Variants in CPNE4 observed in about 807,000 individuals in gnomAD.
The protein encoded by CPNE4 is copine 4.
A neutral mutation model predicts 67.9 loss-of-function variants in CPNE4; 25 were observed. The observed-to-expected ratio is 0.37, with a 90% confidence interval of 0.27 to 0.51. The LOEUF (loss-of-function observed/expected upper bound fraction) is 0.51, where lower values mean the gene tolerates loss of function less well. Among genes scored for constraint, CPNE4 ranks in the 20% least tolerant of loss-of-function variants. The pLI is 0.93. For synonymous variants in CPNE4, 242 were observed against 244.9 expected (o/e 0.99, Z 0.11); for missense variants, 464 against 690.8 (o/e 0.67, Z 3.68).
intron 1 of CPNE4, among the ~76,000 whole-genome samples, chr3:131,917,759 C>T (rs2070607933): frequency 6.6e-6 from 1 of 152,160 alleles, no homozygotes; most frequent in Non-Finnish European, 1.5e-5. Context: ...CAGAAGGGAA[C>T]ATTGGCTGAA....
chr3:131,977,401 G>C (rs1181348600), intron 1 of CPNE4, among the ~76,000 whole-genome samples: 1 of 152,058 alleles, frequency 6.6e-6, no homozygotes, highest in Non-Finnish European at 1.5e-5. Flanking sequence ...TCCTTTCAGG[G>C]TTGTGAAAAG....
intron 2 of CPNE4, among the ~76,000 whole-genome samples, chr3:131,857,513 G>A (rs76235765): frequency 0.076 from 11,598 of 151,926 alleles, 569 homozygotes; most frequent in East Asian, 0.16. Context: ...AAATTGATTA[G>A]CTTGACTTTG....
intron 2 of CPNE4, among the ~76,000 whole-genome samples, chr3:131,836,928 A>G (rs2085580000): frequency 6.6e-6 from 1 of 152,184 alleles, no homozygotes; most frequent in Non-Finnish European, 1.5e-5. Context: ...ACTTAAAAAT[A>G]CACTTCACCA....
intron 7 of CPNE4, among the ~76,000 whole-genome samples, chr3:131,643,036 G>A (rs1301564393): frequency 2.0e-5 from 3 of 152,138 alleles, no homozygotes; most frequent in Non-Finnish European, 4.4e-5. Flanking sequence ...ACAGGAAGAT[G>A]TGAGAAAGTT....
chr3:131,963,032 G>C (rs906777298), intron 1 of CPNE4, among the ~76,000 whole-genome samples: 1 of 152,084 alleles, frequency 6.6e-6, no homozygotes, highest in Non-Finnish European at 1.5e-5. Flanking sequence ...GGTGATATCC[G>C]CATTTCCAAC....
intron 2 of CPNE4, among the ~76,000 whole-genome samples, chr3:131,892,308 T>C (rs2107744038): frequency 6.6e-6 from 1 of 152,244 alleles, no homozygotes; most frequent in South Asian, 2.1e-4. Context: ...TACAGCTCGG[T>C]GCCACCTTGA....
chr3:131,918,329 G>A (rs1225060), intron 1 of CPNE4, among the ~76,000 whole-genome samples: 31,612 of 152,046 alleles, frequency 0.21, 3,892 homozygotes, highest in Non-Finnish European at 0.27. Flanking sequence ...GTGATATCAC[G>A]CTCATTTAGA....
chr3:132,030,786 A>G (rs1305522723), intron 1 of CPNE4, among the ~76,000 whole-genome samples: 1 of 152,238 alleles, frequency 6.6e-6, no homozygotes, highest in East Asian at 1.9e-4. Context: ...AGTTTCTAGT[A>G]CAGAAAAAGA....
intron 1 of CPNE4, among the ~76,000 whole-genome samples, chr3:131,978,139 AATAT>A (rs2072737385): frequency 1.2e-5 from 1 of 81,008 alleles, no homozygotes; most frequent in Non-Finnish European, 2.1e-5. Flanking sequence ...TATTTATATA[AATAT>A]ATATAAAATA....
intron 2 of CPNE4, among the ~76,000 whole-genome samples, chr3:131,896,249 A>AT (rs2088327781): frequency 6.6e-6 from 1 of 152,058 alleles, no homozygotes; most frequent in Admixed American, 6.6e-5. Context: ...TAATATACAT[A>AT]TATATACACA....
chr3:131,792,858 T>C (rs1412392721), intron 2 of CPNE4, among the ~76,000 whole-genome samples: 5 of 147,920 alleles, frequency 3.4e-5, no homozygotes, highest in African/African-American at 7.5e-5. Context: ...CATACATACA[T>C]ACACACATAT....
chr3:131,912,390 A>G (rs1443376834), intron 1 of CPNE4, among the ~76,000 whole-genome samples: 2 of 152,104 alleles, frequency 1.3e-5, no homozygotes, highest in East Asian at 1.9e-4. Context: ...TGTGTCAAGA[A>G]TAAGTGCATA....
At chr3:131,983,279 T>C (rs1490272828) in intron 1 of CPNE4, among the ~76,000 whole-genome samples, 4 of 152,186 alleles carry the variant, frequency 2.6e-5, no homozygotes, top group African/African-American at 9.7e-5. Flanking sequence ...TTAAAATGTA[T>C]ATAGTTTTAC....
At chr3:131,715,636 C>G (rs1243597162) in intron 3 of CPNE4, among the ~76,000 whole-genome samples, 1 of 152,176 alleles carries the variant, frequency 6.6e-6, no homozygotes. Context: ...AACAGCTTCA[C>G]CCAGTGCCTA....
chr3:131,629,296 C>T (rs1023119864), intron 7 of CPNE4, among the ~76,000 whole-genome samples: 1 of 152,140 alleles, frequency 6.6e-6, no homozygotes, highest in Non-Finnish European at 1.5e-5. Context: ...CAAACCATAT[C>T]ACCCTCCACC....
chr3:131,543,248 T>C (rs1170213882), intron 14 of CPNE4, among the ~76,000 whole-genome samples: 1 of 152,238 alleles, frequency 6.6e-6, no homozygotes, highest in South Asian at 2.1e-4. Flanking sequence ...ATGAGACTAC[T>C]CAGCCCTTGA....
At chr3:131,607,198 TC>T (rs1244116625) in intron 7 of CPNE4, among the ~76,000 whole-genome samples, 2 of 151,538 alleles carry the variant, frequency 1.3e-5, no homozygotes, top group African/African-American at 4.9e-5. Flanking sequence ...CAGGAAGACA[TC>T]CTATTCCTTC....
At chr3:131,544,757 C>T (rs1174218130) in intron 14 of CPNE4, among the ~76,000 whole-genome samples, 1 of 152,136 alleles carries the variant, frequency 6.6e-6, no homozygotes, top group Non-Finnish European at 1.5e-5. Context: ...CTCTAGAGTG[C>T]ACCTGGAAGA....
chr3:131,937,231 T>C (rs2071250138), intron 1 of CPNE4, among the ~76,000 whole-genome samples: 1 of 152,220 alleles, frequency 6.6e-6, no homozygotes, highest in Non-Finnish European at 1.5e-5. Flanking sequence ...TAGTCAATAC[T>C]GAGACATGTC....
Sources: allele counts gnomAD v4.1 joint callset (sites outside exome capture counted in the v4.1 genomes callset), GRCh38; gene constraint gnomAD v4.1.1; transcripts MANE v1.5; gene names NCBI Gene and HGNC (gene_info 2026-07-23, HGNC 2026-07-21).